Variants in CLEC2L observed in about 807,000 individuals in gnomAD.
The protein encoded by CLEC2L is C-type lectin domain family 2 member L.
Under a neutral mutation model 23.6 loss-of-function variants are expected in CLEC2L, and 14 were observed. The ratio of observed to expected loss-of-function variants is 0.59; its 90% confidence interval spans 0.39 to 0.93. The LOEUF is 0.93. Ranked by LOEUF, CLEC2L falls within the 40% of genes least tolerant of loss-of-function variation. The pLI, the probability that CLEC2L is intolerant of heterozygous loss-of-function variation, is 0.00. For missense variants in CLEC2L, 264 were observed against 282.4 expected (o/e 0.93, Z 0.47); for synonymous variants, 114 against 121.3 (o/e 0.94, Z 0.40).
At chr7:139,542,722 G>C (rs1181398064) in intron 4 of CLEC2L, among the ~76,000 whole-genome samples, 1 of 152,210 alleles carries the variant, frequency 6.6e-6, no homozygotes, top group Non-Finnish European at 1.5e-5. Flanking sequence ...TGCCGTGGCG[G>C]TTTTGTAAGA....
chr7:139,543,752 A>G (rs528746744), intron 4 of CLEC2L, among the ~76,000 whole-genome samples: 1 of 152,158 alleles, frequency 6.6e-6, no homozygotes, highest in South Asian at 2.1e-4. Flanking sequence ...TGTGTGCTCA[A>G]CTCTGCGCAC....
chr7:139,527,302 G>C (rs1362731770), intron 1 of CLEC2L, among the ~76,000 whole-genome samples: 1 of 152,140 alleles, frequency 6.6e-6, no homozygotes, highest in Non-Finnish European at 1.5e-5. Context: ...CGTCAGCCTT[G>C]GTGAAGCTAG....
rs140093208 is a variant in CLEC2L at position 139,538,484 on chromosome 7, C to T, written c.266-1837C>T. 3.8e-3 allele frequency among the ~76,000 whole-genome samples: 565 copies of T among 150,546 alleles called. 6 individuals are homozygous for T. The highest frequency in any genetic ancestry group is 6.5e-3 in the Non-Finnish European group (438 of 67,844). On this transcript the variant is annotated intron_variant, in intron 2 of 4. Transcript: ENST00000422142. ...AAAAAAAGGTCCGGGCGTGGTGGCTCACGCCTGTAATCCCAGCACTTTGGG... is the reference window on the plus strand; with the variant it reads ...AAAAAAAGGTCCGGGCGTGGTGGCTTACGCCTGTAATCCCAGCACTTTGGG...
chr7:139,527,571 T>C (rs1269472523), intron 1 of CLEC2L, among the ~76,000 whole-genome samples: 1 of 152,174 alleles, frequency 6.6e-6, no homozygotes, highest in Non-Finnish European at 1.5e-5. Context: ...CCTTCCAGCC[T>C]GGGGTATAAG....
At chr7:139,535,723 T>G (rs1797644122) in intron 1 of CLEC2L, among the ~76,000 whole-genome samples, 1 of 150,664 alleles carries the variant, frequency 6.6e-6, no homozygotes, top group East Asian at 2.0e-4. Context: ...AGGAAGTATC[T>G]GTGGAGGAGG....
At chr7:139,525,460 C>A (rs534676706) in intron 1 of CLEC2L, among the ~76,000 whole-genome samples, 5 of 151,900 alleles carry the variant, frequency 3.3e-5, no homozygotes, top group Non-Finnish European at 5.9e-5. Flanking sequence ...ACAGAGGAGG[C>A]GAAGATGTTG....
chr7:139,536,170 TG>T, intron 1 of CLEC2L, 103 bp from the exon 2 acceptor site: 1 of 832,906 alleles, frequency 1.2e-6, no homozygotes, highest in Non-Finnish European at 1.9e-6. Flanking sequence ...CACAGCTTGC[TG>T]GGCTCTACCT....
At position 139,539,287 on chromosome 7, in the gene CLEC2L, A is replaced by C. The variant is rs1264388354; in HGVS notation, c.266-1034A>C. 6.6e-6 allele frequency: 1 copy of C among 152,250 alleles called. No homozygotes were observed. The highest frequency in any genetic ancestry group is 1.5e-5 in the Non-Finnish European group (1 of 68,046). The allele number at this position is 152,250 out of a possible 1,614,324, so 9.4% of individuals were successfully genotyped here. On this transcript the variant is annotated intron_variant, in intron 2 of 4. Transcript: ENST00000422142. This position sits in a 1 kb window ranked among gnomAD's most constrained non-coding sequence, Gnocchi z 4.1. ...TGATGAGCCAAAGTGAATGACATAA[A>C]TGTGGAAGAAATAAATATAAGGTTC...
rs1797708724 is a variant in CLEC2L, at chr7:139,539,815, G to C, written c.266-506G>C. 1 of 166,368 alleles carries C rather than the reference G, an allele frequency of 6.0e-6. No individual in the cohort carries two copies. The highest frequency in any genetic ancestry group is 1.3e-5 in the Non-Finnish European group (1 of 76,828). 10.3% of individuals were successfully genotyped at this position (166,368 alleles called of 1,614,324 possible). A position where few individuals can be genotyped will look rare whatever the true frequency, so the allele number is the denominator to read the frequency against. Reference sequence around the variant, plus strand: ...GCAGGTCTAGGTCACAGGGGGACAGGTTGGGACTCAACATTTAAGAACTTT... The same window carrying C: ...GCAGGTCTAGGTCACAGGGGGACAGCTTGGGACTCAACATTTAAGAACTTT... On this transcript the variant is annotated intron_variant, in intron 2 of 4. Transcript: ENST00000422142. This position sits in a 1 kb window ranked among gnomAD's most constrained non-coding sequence, Gnocchi z 4.1.
At position 139,524,109 on chromosome 7, in the gene CLEC2L, C is replaced by T; in HGVS notation, c.182C>T (p.Ala61Val). 4.9e-6 allele frequency: 6 copies of T among 1,227,566 alleles called. No individual in the cohort carries two copies. The highest frequency in any genetic ancestry group is 4.1e-6 in the Non-Finnish European group (4 of 982,554). 76.0% of individuals were successfully genotyped at this position (1,227,566 alleles called of 1,614,324 possible). The change falls in exon 1 of 5, where the codon GCC becomes GTC. Residue 61 changes from alanine to valine, a missense_variant. Coordinates refer to ENST00000422142, the MANE Select transcript of CLEC2L (RefSeq NM_001080511.4). ...GYEGSTSWKA[A>V]LEDTTTRLLL... ...GAGGGCAGCACCAGCTGGAAGGCGG[C>T]CTTGGAGGGTAAGCGCGGAGCGGCC...
At chr7:139,542,846 G>C (rs1453881216) in intron 4 of CLEC2L, among the ~76,000 whole-genome samples, 1 of 152,146 alleles carries the variant, frequency 6.6e-6, no homozygotes, top group Non-Finnish European at 1.5e-5. Context: ...AGTGGTGACT[G>C]TGTGGGGCGT....
intron 2 of CLEC2L, among the ~76,000 whole-genome samples, chr7:139,537,243 C>T (rs1797672475): frequency 6.6e-6 from 1 of 152,090 alleles, no homozygotes; most frequent in African/African-American, 2.4e-5. Flanking sequence ...AAAAACTTTT[C>T]CTGTGCCCTC....
intron 1 of CLEC2L, among the ~76,000 whole-genome samples, chr7:139,535,966 G>T (rs1797648102): frequency 1.3e-5 from 2 of 152,364 alleles, no homozygotes; most frequent in African/African-American, 4.8e-5. Context: ...TACAGCAGTG[G>T]ATCGCAAACT....
At chr7:139,532,929 G>C (rs1463183370) in intron 1 of CLEC2L, among the ~76,000 whole-genome samples, 1 of 152,152 alleles carries the variant, frequency 6.6e-6, no homozygotes, top group East Asian at 1.9e-4. Flanking sequence ...GAGAAATTCC[G>C]ATATTGTCTC....
chr7:139,544,327 G>A lies in CLEC2L; in HGVS notation c.630G>A (p.Lys210=), dbSNP rs1354598297. 1 of 1,611,886 alleles carries A rather than the reference G, an allele frequency of 6.2e-7. No individual in the cohort carries two copies. The highest frequency in any genetic ancestry group is 1.3e-5 in the African/African-American group (1 of 74,904). ...TGACCCGGCCCTGGGTGTGCAGCAA[G>A]ATGGCCTATACTTGAGGTGGGTGGG... ...CLMTRPWVCS[K]MAYT The change falls in exon 5 of 5, where the codon AAG becomes AAA. Residue 210 remains lysine (K), a synonymous_variant. Transcript: ENST00000422142.
chr7:139,539,373 A>G lies in CLEC2L; in HGVS notation c.266-948A>G, dbSNP rs1304856106. ...TGACACTGGGGGAGACCTGGCTTAG[A>G]ATCAGATCATATGAAAACAATCTAA... On this transcript the variant is annotated intron_variant, in intron 2 of 4. Transcript: ENST00000422142. This position sits in a 1 kb window ranked among gnomAD's most constrained non-coding sequence, Gnocchi z 4.1. 6.6e-6 allele frequency: 1 copy of G among 152,240 alleles called. No homozygotes were observed. The highest frequency in any genetic ancestry group is 2.4e-5 in the African/African-American group (1 of 41,458). The allele number at this position is 152,240 out of a possible 1,614,324, so 9.4% of individuals were successfully genotyped here.
chr7:139,530,534 T>A (rs1483696651), intron 1 of CLEC2L, among the ~76,000 whole-genome samples: 1 of 151,936 alleles, frequency 6.6e-6, no homozygotes, highest in Non-Finnish European at 1.5e-5. Context: ...GGGCTTCAGC[T>A]GGGCATGGTG....
At chr7:139,544,169 C>A (rs1797775117) in intron 4 of CLEC2L, 62 bp from the exon 5 acceptor site, 2 of 1,276,404 alleles carry the variant, frequency 1.6e-6, no homozygotes, top group Non-Finnish European at 2.2e-6. Context: ...GCCTCCCCTG[C>A]CACTGGGTTT....
In CLEC2L at chr7:139,537,406, C is replaced by A. The variant is rs187065826; in HGVS notation, c.265+1058C>A. Among the ~76,000 whole-genome samples the A allele has an allele frequency of 3.5e-4, 53 of 152,240 alleles. 1 individual carries two copies. In the East Asian group the frequency reaches 7.7e-3, roughly 22 times the overall value. ...GAATTTAGACTCAGGGGCTTATATA[C>A]CTTTTTAACAAATGAAAGAGGGTTT... On this transcript the variant is annotated intron_variant, in intron 2 of 4. Coordinates refer to ENST00000422142, the MANE Select transcript of CLEC2L (RefSeq NM_001080511.4).
Sources: gnomAD v4.1 joint callset for allele counts (sites outside exome capture counted in the v4.1 genomes callset) on GRCh38, gnomAD v4.1.1 for gene constraint, Gnocchi (gnomAD v3.1) non-coding constraint, MANE v1.5 for transcripts, NCBI Gene and HGNC (gene_info 2026-07-23, HGNC 2026-07-21) for gene names.